QRFPR: variants seen among roughly 807,000 people sequenced by gnomAD.
QRFPR encodes pyroglutamylated RFamide peptide receptor.
Under a neutral mutation model 31.3 loss-of-function variants are expected in QRFPR, and 37 were observed. The observed-to-expected ratio is 1.18, with a 90% CI of 0.91 to 1.56. The LOEUF is 1.56. QRFPR is among the 40% of genes most tolerant of loss of function. QRFPR has a pLI of 0.00. For missense variants in QRFPR, 542 were observed against 532.5 expected, an observed-to-expected ratio of 1.02 and a Z score of -0.18; for synonymous variants, 197 against 192.0, an observed-to-expected ratio of 1.03 and a Z score of -0.22.
At chr4:121,364,806 G>A (rs1203767222) in intron 1 of QRFPR, among the ~76,000 whole-genome samples, 1 of 149,792 alleles carries the variant, frequency 6.7e-6, no homozygotes, top group Non-Finnish European at 1.5e-5. Context: ...GCCTACAAGA[G>A]TAAAGGGAAA....
intron 1 of QRFPR, among the ~76,000 whole-genome samples, chr4:121,355,571 G>T (rs538692089): frequency 6.6e-6 from 1 of 151,822 alleles, no homozygotes; most frequent in South Asian, 2.1e-4. Flanking sequence ...TTTCTGCTCT[G>T]ATCTTTATTA....
rs111809175 is a variant in QRFPR, at chr4:121,377,411, ATATT to A, written c.340+2893_340+2896del. ...GGTTTTTACATAACTATATATATAT[ATATT>A]TTTTTTTTTTTCCTCCCCAGTTGCA... On this transcript the variant is annotated intron_variant, in intron 1 of 5. Coordinates refer to ENST00000394427, the MANE Select transcript of QRFPR (RefSeq NM_198179.3). Among the ~76,000 whole-genome samples, 638 of 105,838 alleles carry A rather than the reference ATATT, an allele frequency of 6.0e-3. 31 individuals carry two copies. In the East Asian group the frequency reaches 0.11, roughly 19 times the overall value. The allele number at this position is 105,838 out of a possible 152,430, so 69.4% of individuals were successfully genotyped here.
intron 1 of QRFPR, among the ~76,000 whole-genome samples, chr4:121,375,966 T>C (rs997634684): frequency 9.2e-5 from 14 of 151,842 alleles, no homozygotes; most frequent in Non-Finnish European, 1.6e-4. Context: ...TTGGACATTG[T>C]GAAGAAAAAG....
At position 121,329,375 on chromosome 4, in the gene QRFPR, C is replaced by A; in HGVS notation, c.1235G>T (p.Arg412Leu). The change falls in exon 6 of 6, where the codon CGA becomes CTA. Residue 412 changes from arginine to leucine, a missense_variant. Arg to Leu is a moderately radical substitution (Grantham distance 102). Transcript: ENST00000394427. The stretch of plus-strand genomic sequence containing the variant: ...TTCAGACCTAAAGAGAGCAAGATGT[C>A]GTTTGAGCTTTTTCTTCTCCTCTGT... The part of the protein sequence containing the change: ...EQTEEKKKLK[R>L]HLALFRSELA... The A allele has an allele frequency of 1.2e-6, 2 of 1,614,082 alleles. No individual in the cohort carries two copies. Among genetic ancestry groups the A allele is most frequent in the Non-Finnish European group, 1.7e-6 (2 of 1,179,972 alleles).
At chr4:121,365,563 TA>T (rs1560743767) in intron 1 of QRFPR, among the ~76,000 whole-genome samples, 8,430 of 16,780 alleles carry the variant, frequency 0.5, 1,881 homozygotes, top group Admixed American at 0.58. Flanking sequence ...ATATAATATA[TA>T]TTATATATAA....
chr4:121,357,582 C>T (rs982861270), intron 1 of QRFPR, among the ~76,000 whole-genome samples: 2 of 152,144 alleles, frequency 1.3e-5, no homozygotes, highest in East Asian at 1.9e-4. Flanking sequence ...TAAGACGTAG[C>T]GCCAGATTCC....
intron 1 of QRFPR, among the ~76,000 whole-genome samples, chr4:121,346,384 T>C (rs61551545): frequency 0.35 from 53,459 of 152,078 alleles, 9,686 homozygotes; most frequent in Middle Eastern, 0.47. Flanking sequence ...AACGTGATTG[T>C]GTCTTTATCT....
chr4:121,353,715 G>T (rs1324961281), intron 1 of QRFPR, among the ~76,000 whole-genome samples: 6 of 151,988 alleles, frequency 3.9e-5, no homozygotes, highest in African/African-American at 1.4e-4. Context: ...TTTTTAGCTT[G>T]ATGTGATCCC....
At chr4:121,351,687 A>G (rs1579578468) in intron 1 of QRFPR, among the ~76,000 whole-genome samples, 2 of 152,120 alleles carry the variant, frequency 1.3e-5, no homozygotes, top group South Asian at 4.1e-4. Flanking sequence ...TTTAGGCATT[A>G]GAAAGAATTT....
At chr4:121,335,773 T>G (rs1174855838) in intron 3 of QRFPR, among the ~76,000 whole-genome samples, 1 of 152,148 alleles carries the variant, frequency 6.6e-6, no homozygotes, top group Non-Finnish European at 1.5e-5. Flanking sequence ...CAGGACAGTT[T>G]AATAACAGAA....
intron 1 of QRFPR, among the ~76,000 whole-genome samples, chr4:121,373,064 T>G (rs1178063905): frequency 6.6e-6 from 1 of 152,168 alleles, no homozygotes; most frequent in Non-Finnish European, 1.5e-5. Flanking sequence ...TATTCCCTTT[T>G]TTTTCTTAAG....
At chr4:121,337,836 A>T (rs754750963) in intron 2 of QRFPR, among the ~76,000 whole-genome samples, 15 of 152,214 alleles carry the variant, frequency 9.9e-5, no homozygotes, top group Non-Finnish European at 2.1e-4. Context: ...GTACTCTTAG[A>T]AAAGAAAAAC....
At chr4:121,333,089 A>G (rs1050249246) in intron 3 of QRFPR, 33 bp from the exon 4 acceptor site, 2 of 1,425,074 alleles carry the variant, frequency 1.4e-6, no homozygotes, top group Non-Finnish European at 2.0e-6. Flanking sequence ...TAAAAGAACC[A>G]GTAGTCAGCA....
At chr4:121,370,319 A>C in intron 1 of QRFPR, 1 of 767,666 alleles carries the variant, frequency 1.3e-6, no homozygotes. Flanking sequence ...CCTCAAGAGC[A>C]GGCACTTCTG....
chr4:121,336,995 C>G, intron 2 of QRFPR, 127 bp from the exon 3 acceptor site: 1 of 811,818 alleles, frequency 1.2e-6, no homozygotes, highest in Non-Finnish European at 2.1e-6. Context: ...GTGCCATGGT[C>G]TCCCCCAAGT....
rs1480098147 is a variant in QRFPR, at chr4:121,369,874, C to G, written c.340+10434G>C. The G allele has an allele frequency of 3.6e-6, 3 of 829,656 alleles. No individual in the cohort carries two copies. In the Middle Eastern group the frequency reaches 1.0e-3, roughly 286 times the overall value. The allele number at this position is 829,656 out of a possible 1,614,324, so 51.4% of individuals were successfully genotyped here. A position where few individuals can be genotyped will look rare whatever the true frequency, so the allele number is the denominator to read the frequency against. ...TCTCTTCTTTTGTTATCTCTCCACT[C>G]TGCAGCTTTAGTTTGTGGAGTGCTT... On this transcript the variant is annotated intron_variant, in intron 1 of 5. Coordinates refer to ENST00000394427, the MANE Select transcript of QRFPR (RefSeq NM_198179.3).
intron 1 of QRFPR, among the ~76,000 whole-genome samples, chr4:121,379,645 G>C (rs972939710): frequency 2.0e-5 from 3 of 152,148 alleles, no homozygotes; most frequent in Non-Finnish European, 2.9e-5. Context: ...ACGGAAGGAG[G>C]AGAATGTTAT....
intron 2 of QRFPR, chr4:121,340,071 T>G (rs1725509471): frequency 6.0e-6 from 1 of 167,408 alleles, no homozygotes; most frequent in Admixed American, 7.3e-5. Flanking sequence ...CCCAGACTTT[T>G]GAGACCAGCC....
chr4:121,378,670 G>T (rs1049715830), intron 1 of QRFPR, among the ~76,000 whole-genome samples: 5 of 152,020 alleles, frequency 3.3e-5, no homozygotes, highest in African/African-American at 9.6e-5. Context: ...TGATCCGCCC[G>T]CCTCGGCCTC....
Sources: gnomAD v4.1 joint callset for allele counts (sites outside exome capture counted in the v4.1 genomes callset) on GRCh38, gnomAD v4.1.1 for gene constraint, MANE v1.5 for transcripts, NCBI Gene and HGNC (gene_info 2026-07-23, HGNC 2026-07-21) for gene names.